The following GRID2 variants were observed in gnomAD, a reference collection of about 807,000 sequenced individuals.
The protein encoded by GRID2 is glutamate ionotropic receptor delta type subunit 2.
Under a neutral mutation model 114.8 loss-of-function variants are expected in GRID2, and 33 were observed. The ratio of observed to expected loss-of-function variants is 0.29; its 90% CI spans 0.22 to 0.38. GRID2 has a LOEUF of 0.38. Among genes scored for constraint, GRID2 ranks in the 10% least tolerant of loss-of-function variants. The probability of loss-of-function intolerance (pLI) is 1.00; values close to 1 mark genes in which losing one functional copy is unlikely to be tolerated. For synonymous variants in GRID2, 505 were observed against 449.9 expected, an observed-to-expected ratio of 1.12 and a Z score of -1.55; for missense variants, 1,184 against 1,257.7, an observed-to-expected ratio of 0.94 and a Z score of 0.89.
intron 2 of GRID2, among the ~76,000 whole-genome samples, chr4:92,847,748 G>C (rs1483900306): frequency 6.6e-6 from 1 of 151,878 alleles, no homozygotes; most frequent in Non-Finnish European, 1.5e-5. Context: ...TTTATGGAAT[G>C]GAATCAAATA....
At chr4:92,800,699 GA>G (rs929770387) in intron 2 of GRID2, among the ~76,000 whole-genome samples, 4 of 151,714 alleles carry the variant, frequency 2.6e-5, no homozygotes, top group African/African-American at 4.8e-5. Flanking sequence ...GTACAGGGGA[GA>G]AAAAAAATTC....
At chr4:92,682,487 C>T (rs1004631720) in intron 2 of GRID2, among the ~76,000 whole-genome samples, 1 of 152,094 alleles carries the variant, frequency 6.6e-6, no homozygotes, top group Non-Finnish European at 1.5e-5. Flanking sequence ...TGGTCTAAGC[C>T]TGAAAGTATA....
intron 9 of GRID2, among the ~76,000 whole-genome samples, chr4:93,401,479 G>A (rs1236125056): frequency 2.0e-5 from 3 of 152,026 alleles, no homozygotes; most frequent in Non-Finnish European, 2.9e-5. Flanking sequence ...AAACATTTTA[G>A]ATTAAATAAT....
chr4:92,808,399 G>A (rs1050720916), intron 2 of GRID2, among the ~76,000 whole-genome samples: 1 of 151,974 alleles, frequency 6.6e-6, no homozygotes, highest in Non-Finnish European at 1.5e-5. Context: ...ATTTAAATCA[G>A]AATTTGTTAC....
intron 14 of GRID2, among the ~76,000 whole-genome samples, chr4:93,676,169 T>G (rs1319892444): frequency 6.6e-6 from 1 of 152,238 alleles, no homozygotes; most frequent in Non-Finnish European, 1.5e-5. Context: ...ACTTGTGGCA[T>G]GAAAATAGTT....
chr4:92,972,852 G>T (rs1753615426), intron 2 of GRID2, among the ~76,000 whole-genome samples: 1 of 152,016 alleles, frequency 6.6e-6, no homozygotes, highest in South Asian at 2.1e-4. Context: ...GTGATAACAT[G>T]CAATATTTGG....
chr4:92,649,303 A>G (rs12644834), intron 2 of GRID2, among the ~76,000 whole-genome samples: 8,381 of 149,764 alleles, frequency 0.056, 315 homozygotes, highest in East Asian at 0.16. Context: ...CAAAGTTTGA[A>G]GGCTTGAGAA....
In GRID2 at chr4:93,726,057, C is replaced by T. The variant is rs557330070; in HGVS notation, c.2361-43153C>T. The stretch of plus-strand genomic sequence containing the variant: ...TGGTGTTTTAGATATGAAGTCCTTG[C>T]CCATGCCTATGTCCTGAATGGTATT... On this transcript the variant is annotated intron_variant, in intron 14 of 15. Coordinates refer to ENST00000282020, the MANE Select transcript of GRID2 (RefSeq NM_001510.4). 2.6e-3 allele frequency among the ~76,000 whole-genome samples: 393 copies of T among 152,260 alleles called. 3 individuals carry two copies. Among genetic ancestry groups the T allele is most frequent in the African/African-American group, 9.1e-3 (380 of 41,538 alleles).
intron 2 of GRID2, among the ~76,000 whole-genome samples, chr4:92,931,167 G>A (rs1750202397): frequency 6.6e-6 from 1 of 150,846 alleles, no homozygotes; most frequent in Admixed American, 6.6e-5. Context: ...ATGGAGCAGA[G>A]TTTGCTATAG....
intron 2 of GRID2, among the ~76,000 whole-genome samples, chr4:92,940,271 A>G (rs1751004409): frequency 6.8e-6 from 1 of 146,960 alleles, no homozygotes; most frequent in African/African-American, 2.4e-5. Context: ...TTTCTTGAAG[A>G]GGTCCTTCAC....
At chr4:93,106,152 T>C (rs13105522) in intron 3 of GRID2, among the ~76,000 whole-genome samples, 11,988 of 152,176 alleles carry the variant, frequency 0.079, 731 homozygotes, top group African/African-American at 0.16. Flanking sequence ...CTTTCTGTTA[T>C]CCATAAATAG....
chr4:92,921,979 CT>C (rs1251218973), intron 2 of GRID2, among the ~76,000 whole-genome samples: 3 of 152,208 alleles, frequency 2.0e-5, no homozygotes, highest in Non-Finnish European at 4.4e-5. Context: ...CCTCCTTGAG[CT>C]TTGGTGGGCT....
In GRID2 at chr4:92,644,138, A is replaced by G. The variant is rs1404292590; in HGVS notation, c.244+53852A>G. On this transcript the variant is annotated intron_variant, in intron 2 of 15. Coordinates refer to ENST00000282020, the MANE Select transcript of GRID2 (RefSeq NM_001510.4). ...GGTAGTGTTGGCAGAATAACCTGCA[A>G]CAATGCTTGATACTTTCTAACATCT... Among the ~76,000 whole-genome samples, 257 of 151,890 alleles carry G rather than the reference A, an allele frequency of 1.7e-3. 6 individuals are homozygous for G. Among genetic ancestry groups the G allele is most frequent in the Non-Finnish European group, 4.4e-4 (30 of 67,850 alleles).
chr4:92,757,083 G>C (rs972629796), intron 2 of GRID2, among the ~76,000 whole-genome samples: 5 of 152,026 alleles, frequency 3.3e-5, no homozygotes, highest in Admixed American at 6.6e-5. Context: ...TATAGTTTCA[G>C]GTCTTATGTT....
intron 1 of GRID2, among the ~76,000 whole-genome samples, chr4:92,444,607 C>T (rs1053393281): frequency 1.3e-5 from 2 of 152,130 alleles, no homozygotes; most frequent in Non-Finnish European, 2.9e-5. Context: ...AGTATAGGTG[C>T]AAGTCACAGG....
chr4:93,619,942 A>C (rs1044936811), intron 13 of GRID2, among the ~76,000 whole-genome samples: 1 of 152,214 alleles, frequency 6.6e-6, no homozygotes, highest in African/African-American at 2.4e-5. Flanking sequence ...ATGCTTTTGC[A>C]TTCCTATGGA....
chr4:93,175,789 A>G (rs1579198375), intron 4 of GRID2, among the ~76,000 whole-genome samples: 1 of 152,184 alleles, frequency 6.6e-6, no homozygotes, highest in South Asian at 2.1e-4. Context: ...AATATTATAT[A>G]TGTAAAAGTT....
intron 2 of GRID2, among the ~76,000 whole-genome samples, chr4:92,610,392 C>T (rs146755781): frequency 2.6e-5 from 4 of 151,668 alleles, no homozygotes; most frequent in African/African-American, 7.2e-5. Context: ...TGATATTGTT[C>T]CACTTTTAAC....
intron 2 of GRID2, among the ~76,000 whole-genome samples, chr4:92,690,312 G>A (rs1009640867): frequency 6.6e-6 from 1 of 152,144 alleles, no homozygotes; most frequent in Non-Finnish European, 1.5e-5. Context: ...TGATAGAGAA[G>A]TCTGAGGAGA....
Sources: allele counts gnomAD v4.1 joint callset (sites outside exome capture counted in the v4.1 genomes callset), GRCh38; gene constraint gnomAD v4.1.1; transcripts MANE v1.5; gene names NCBI Gene and HGNC (gene_info 2026-07-23, HGNC 2026-07-21).